The following FZD3 variants were observed in gnomAD, a reference collection of about 807,000 sequenced individuals.
FZD3 encodes frizzled-3.
FZD3 carries 30 observed loss-of-function variants against 60.7 expected under a neutral mutation model. The ratio of observed to expected loss-of-function variants is 0.49; its 90% confidence interval spans 0.37 to 0.67. The LOEUF (loss-of-function observed/expected upper bound fraction) is 0.67. Ranked by LOEUF, FZD3 falls within the 30% of genes least tolerant of loss-of-function variation. The pLI, the probability that FZD3 is intolerant of heterozygous loss-of-function variation, is 0.00. For synonymous variants in FZD3, 246 were observed against 275.2 expected (o/e 0.89, Z 1.05); for missense variants, 605 against 838.7 (o/e 0.72, Z 3.44).
intron 5 of FZD3, among the ~76,000 whole-genome samples, chr8:28,547,865 T>G (rs898789751): frequency 6.6e-6 from 1 of 151,848 alleles, no homozygotes; most frequent in African/African-American, 2.4e-5. Flanking sequence ...TCTTTTTTTT[T>G]TTTTTGAGAC....
At position 28,527,280 on chromosome 8, in the gene FZD3, G is replaced by T; in HGVS notation, c.520G>T (p.Asp174Tyr). 6.2e-7 allele frequency: 1 copy of T among 1,614,000 alleles called. No homozygotes were observed. The highest frequency in any genetic ancestry group is 1.1e-5 in the South Asian group (1 of 91,068). The change falls in exon 5 of 8, where the codon GAT (aspartate) becomes TAT (tyrosine). Residue 174 changes from aspartate to tyrosine, a missense_variant. Asp to Tyr is a radical substitution (Grantham distance 160). Transcript: ENST00000240093. This position sits in a 1 kb window ranked among gnomAD's most constrained non-coding sequence, Gnocchi z 5.0. ...WCPRELKIDP[D>Y]LGYSFLHVRD... ...TCCCCGAGAGTTAAAAATTGATCCT[G>T]ATCTGGGTTATTCTTTTCTGCATGT... is the stretch of plus-strand genomic sequence containing the variant.
At chr8:28,560,150 T>C (rs1192343224) in intron 7 of FZD3, among the ~76,000 whole-genome samples, 3 of 152,332 alleles carry the variant, frequency 2.0e-5, no homozygotes, top group South Asian at 2.1e-4. Flanking sequence ...AGATTAGTGA[T>C]AGCAAATAGT....
At chr8:28,515,721 T>C (rs1358078555) in intron 3 of FZD3, among the ~76,000 whole-genome samples, 1 of 152,222 alleles carries the variant, frequency 6.6e-6, no homozygotes, top group Non-Finnish European at 1.5e-5. Flanking sequence ...TGAGATCTTA[T>C]CAGGAAGCTG....
chr8:28,549,408 GTTAT>G (rs1329590527), intron 5 of FZD3, among the ~76,000 whole-genome samples: 1 of 152,050 alleles, frequency 6.6e-6, no homozygotes, highest in Admixed American at 6.6e-5. Context: ...ATACATGAAA[GTTAT>G]TTGTGTATTT....
rs1733189738 is a variant in FZD3 at position 28,568,659 on chromosome 8, T to A, written c.*5648T>A. 6.6e-6 allele frequency: 1 copy of A among 152,168 alleles called. No homozygotes were observed. Among genetic ancestry groups the A allele is most frequent in the Non-Finnish European group, 1.5e-5 (1 of 67,994 alleles). The allele number at this position is 152,168 out of a possible 1,614,324, so 9.4% of individuals were successfully genotyped here. The stretch of plus-strand genomic sequence containing the variant: ...TATGAGTTAAACATGTTTCTTATTC[T>A]GTGATCTCTAATTAGAAAGTAAAAT... On this transcript the variant is annotated 3_prime_UTR_variant, in exon 8 of 8. Coordinates refer to ENST00000240093, the MANE Select transcript of FZD3 (RefSeq NM_017412.4).
intron 1 of FZD3, among the ~76,000 whole-genome samples, chr8:28,499,177 G>T (rs1196852512): frequency 6.6e-6 from 1 of 151,964 alleles, no homozygotes; most frequent in African/African-American, 2.4e-5. Flanking sequence ...ATTCCATAAA[G>T]CATTTAATAT....
intron 3 of FZD3, among the ~76,000 whole-genome samples, chr8:28,518,753 C>A (rs528575398): frequency 6.6e-6 from 1 of 152,306 alleles, no homozygotes; most frequent in African/African-American, 2.4e-5. Flanking sequence ...CTGCTGGTTT[C>A]TCAGGTTCTC....
At chr8:28,522,717 C>T (rs923629946) in intron 4 of FZD3, among the ~76,000 whole-genome samples, 1 of 151,328 alleles carries the variant, frequency 6.6e-6, no homozygotes, top group Non-Finnish European at 1.5e-5. Context: ...CCTCATTATA[C>T]CCTAGGATTG....
chr8:28,500,064 G>A (rs1171760712), intron 2 of FZD3, 86 bp downstream of exon 2: 3 of 152,134 alleles, frequency 2.0e-5, no homozygotes, highest in African/African-American at 7.2e-5. Context: ...TTAGAGAACT[G>A]CTGTTTTGGG....
Position 28,566,064 on chromosome 8 carries a change from G to C in FZD3, c.*3053G>C, listed in dbSNP as rs1268496488. Reference sequence around the variant, plus strand: ...CAAAGAACAATTGGTTAATAACTCAGCTGGCACAGGGATTCATACACAGTT... The same window carrying C: ...CAAAGAACAATTGGTTAATAACTCACCTGGCACAGGGATTCATACACAGTT... On this transcript the variant is annotated 3_prime_UTR_variant, in exon 8 of 8. Coordinates refer to ENST00000240093, the MANE Select transcript of FZD3 (RefSeq NM_017412.4). The C allele has an allele frequency of 6.6e-6, 1 of 152,082 alleles. No individual in the cohort carries two copies. Among genetic ancestry groups the C allele is most frequent in the Non-Finnish European group, 1.5e-5 (1 of 67,992 alleles). 9.4% of individuals were successfully genotyped at this position (152,082 alleles called of 1,614,324 possible).
rs572623953 is a variant in FZD3, at chr8:28,535,598, T to C, written c.1404+7434T>C. On this transcript the variant is annotated intron_variant, in intron 5 of 7. Transcript: ENST00000240093. ...TTTAAAATACTATACCAACCATTTT[T>C]AGCAAGAACACTCATTTTTAATGTT... Among the ~76,000 whole-genome samples the C allele has an allele frequency of 9.1e-4, 138 of 152,304 alleles. 2 individuals are homozygous for C. The highest frequency in any genetic ancestry group is 3.2e-3 in the African/African-American group (134 of 41,570).
intron 6 of FZD3, among the ~76,000 whole-genome samples, chr8:28,552,667 T>C (rs1805434985): frequency 6.6e-6 from 1 of 152,054 alleles, no homozygotes; most frequent in Admixed American, 6.5e-5. Context: ...TATTGGTTAA[T>C]GTCATTTTCT....
chr8:28,559,149 T>G (rs550520936), intron 7 of FZD3, among the ~76,000 whole-genome samples: 7 of 152,304 alleles, frequency 4.6e-5, no homozygotes, highest in African/African-American at 1.7e-4. Flanking sequence ...AAAAATAGAC[T>G]TCAGCCACTC....
chr8:28,515,059 C>CT (rs1563386158), intron 3 of FZD3, among the ~76,000 whole-genome samples: 1 of 152,098 alleles, frequency 6.6e-6, no homozygotes, highest in African/African-American at 2.4e-5. Flanking sequence ...TAAGTTACTT[C>CT]GTTTTCTGTA....
chr8:28,540,937 C>T (rs1396929682), intron 5 of FZD3, among the ~76,000 whole-genome samples: 1 of 152,064 alleles, frequency 6.6e-6, no homozygotes, highest in African/African-American at 2.4e-5. Context: ...CAGAGTGAGC[C>T]CCTTTCAATA....
chr8:28,497,180 A>G (rs1803866493), intron 1 of FZD3, among the ~76,000 whole-genome samples: 1 of 152,232 alleles, frequency 6.6e-6, no homozygotes, highest in Non-Finnish European at 1.5e-5. Flanking sequence ...AGCCTTAATC[A>G]CTTAACACAT....
intron 6 of FZD3, among the ~76,000 whole-genome samples, chr8:28,553,337 A>G (rs2130460859): frequency 6.6e-6 from 1 of 152,294 alleles, no homozygotes; most frequent in East Asian, 1.9e-4. Context: ...TTGATAGCAA[A>G]CAGAACAGGC....
At chr8:28,540,315 C>T (rs1298864197) in intron 5 of FZD3, among the ~76,000 whole-genome samples, 3 of 152,122 alleles carry the variant, frequency 2.0e-5, no homozygotes, top group Non-Finnish European at 2.9e-5. Context: ...CTGCAACCTC[C>T]GCCTCCTGGG....
chr8:28,538,266 C>T (rs575072628), intron 5 of FZD3, among the ~76,000 whole-genome samples: 110 of 151,802 alleles, frequency 7.2e-4, no homozygotes, highest in Non-Finnish European at 1.3e-3. Flanking sequence ...AAGGCATTAC[C>T]ATACCAATTT....
Sources: gnomAD v4.1 joint callset for allele counts (sites outside exome capture counted in the v4.1 genomes callset) on GRCh38, gnomAD v4.1.1 for gene constraint, Gnocchi (gnomAD v3.1) non-coding constraint, MANE v1.5 for transcripts, NCBI Gene and HGNC (gene_info 2026-07-23, HGNC 2026-07-21) for gene names.